The following OTUD5 variants were observed in gnomAD, a reference collection of about 807,000 sequenced individuals.
The protein encoded by OTUD5 is OTU deubiquitinase 5.
In OTUD5, 2 loss-of-function variants were observed where a neutral mutation model predicts 36.3. The observed-to-expected ratio is 0.06, with a 90% CI of 0.02 to 0.17. The LOEUF is 0.17. Ranked by LOEUF, OTUD5 falls within the 10% of genes least tolerant of loss-of-function variation. The pLI, the probability that OTUD5 is intolerant of heterozygous loss-of-function variation, is 1.00. For synonymous variants in OTUD5, 234 were observed against 214.9 expected (o/e 1.09, Z -0.78); for missense variants, 233 against 512.3 (o/e 0.45, Z 5.26).
chrX:48,931,893 G>A (rs917389665), intron 5 of OTUD5, among the ~76,000 whole-genome samples: 3 of 109,012 alleles, frequency 2.8e-5, no homozygotes, highest in Non-Finnish European at 5.7e-5. Context: ...GCTCACGCCT[G>A]TAATCCCAGC....
At chrX:48,935,173 C>T (rs1456973822) in intron 2 of OTUD5, among the ~76,000 whole-genome samples, 155 bp from the exon 3 acceptor site, 5 of 111,890 alleles carry the variant, frequency 4.5e-5, no homozygotes, top group African/African-American at 1.3e-4. Context: ...TAGGCTAGAA[C>T]GGGGTCATGG....
intron 1 of OTUD5, among the ~76,000 whole-genome samples, chrX:48,955,683 C>G (rs1349893517): frequency 2.7e-5 from 3 of 111,315 alleles, no homozygotes; most frequent in Non-Finnish European, 5.7e-5. Flanking sequence ...GTTCCCAAGG[C>G]ATGGGTCGTA....
At chrX:48,942,250 C>T (rs1037319481) in intron 2 of OTUD5, among the ~76,000 whole-genome samples, 4 of 93,009 alleles carry the variant, frequency 4.3e-5, no homozygotes, top group Non-Finnish European at 6.3e-5. Context: ...CACATACACA[C>T]ACACACACAC....
chrX:48,924,097 G>A lies in OTUD5; in HGVS notation c.1264-45C>T, dbSNP rs1479245831. 7 of 1,112,975 alleles carry A rather than the reference G, an allele frequency of 6.3e-6. No homozygotes were observed. The African/African-American group carries it at 1.3e-4, about 20-fold the overall frequency. The allele number at this position is 1,112,975 out of a possible 1,213,427, so 91.7% of individuals were successfully genotyped here. A position where few individuals can be genotyped will look rare whatever the true frequency, so the allele number is the denominator to read the frequency against. ...TGCGTTAAGGACCACCAGCAGCCATGACCTTCTTGTGACCCATCCCTGAAT... is the reference window on the plus strand; with the variant it reads ...TGCGTTAAGGACCACCAGCAGCCATAACCTTCTTGTGACCCATCCCTGAAT... On this transcript the variant is annotated intron_variant, in intron 6 of 8. Coordinates refer to ENST00000376488, the MANE Select transcript of OTUD5 (RefSeq NM_001136157.2).
chrX:48,943,906 C>A (rs782593859), intron 2 of OTUD5, among the ~76,000 whole-genome samples: 58 of 112,135 alleles, frequency 5.2e-4, no homozygotes, highest in Non-Finnish European at 1.0e-3. Context: ...ACTCACCTAG[C>A]TTAGAGGGGA....
intron 1 of OTUD5, among the ~76,000 whole-genome samples, chrX:48,949,701 A>G (rs1557053300): frequency 9.2e-6 from 1 of 108,788 alleles, no homozygotes; most frequent in Non-Finnish European, 1.9e-5. Context: ...TAAACACCAA[A>G]AATTAACCGG....
At chrX:48,924,947 C>T (rs1258095748) in intron 6 of OTUD5, among the ~76,000 whole-genome samples, 1 of 111,602 alleles carries the variant, frequency 9.0e-6, no homozygotes, top group Non-Finnish European at 1.9e-5. Flanking sequence ...GAAAACAGGG[C>T]CTGCCACAGA....
intron 1 of OTUD5, among the ~76,000 whole-genome samples, chrX:48,950,066 T>C (rs1347535753): frequency 9.4e-6 from 1 of 106,454 alleles, no homozygotes; most frequent in East Asian, 2.9e-4. Context: ...GGAGAATAGC[T>C]TGAACCCAGG....
chrX:48,950,213 A>G (rs965556897), intron 1 of OTUD5, among the ~76,000 whole-genome samples: 2 of 110,990 alleles, frequency 1.8e-5, no homozygotes, highest in African/African-American at 6.6e-5. Flanking sequence ...AAATCTGGAG[A>G]TGGGGGGTTA....
At chrX:48,924,956 G>C (rs1329055885) in intron 6 of OTUD5, among the ~76,000 whole-genome samples, 1 of 111,686 alleles carries the variant, frequency 9.0e-6, no homozygotes, top group Non-Finnish European at 1.9e-5. Flanking sequence ...GCCTGCCACA[G>C]ACTGGTAGTA....
chrX:48,926,754 T>C (rs1557047831), intron 5 of OTUD5, among the ~76,000 whole-genome samples: 2 of 110,989 alleles, frequency 1.8e-5, no homozygotes, highest in Non-Finnish European at 3.8e-5. Context: ...AAATTAGCTA[T>C]GTGTGCACCG....
Position 48,936,741 on chromosome X carries a change from T to G in OTUD5, c.689-1723A>C, listed in dbSNP as rs144584457. Among the ~76,000 whole-genome samples the G allele has an allele frequency of 8.0e-5, 9 of 111,938 alleles. No individual in the cohort carries two copies. In the East Asian group the frequency reaches 2.5e-3, roughly 32 times the overall value. ...AGGAAAAGTTTACTGAGCAAATGGA[T>G]AGGCTGGGTAAGCCAGGGAGCTCTT... is the stretch of plus-strand genomic sequence containing the variant. On this transcript the variant is annotated intron_variant, in intron 2 of 8. Coordinates refer to ENST00000376488, the MANE Select transcript of OTUD5 (RefSeq NM_001136157.2).
chrX:48,943,658 A>G (rs1479300608), intron 2 of OTUD5, among the ~76,000 whole-genome samples: 1 of 111,573 alleles, frequency 9.0e-6, no homozygotes, highest in Non-Finnish European at 1.9e-5. Context: ...GCCCCCATAC[A>G]CACAGATTGA....
At chrX:48,942,132 A>G (rs1376709712) in intron 2 of OTUD5, among the ~76,000 whole-genome samples, 1 of 109,483 alleles carries the variant, frequency 9.1e-6, no homozygotes, top group African/African-American at 3.3e-5. Context: ...ACACACACAC[A>G]CACACAAATA....
At chrX:48,956,518 C>T (rs181579142) in intron 1 of OTUD5, among the ~76,000 whole-genome samples, 1 of 110,773 alleles carries the variant, frequency 9.0e-6, no homozygotes, top group East Asian at 2.8e-4. Flanking sequence ...ATGTTCAGCC[C>T]CGATCTCCGA....
At chrX:48,951,188 ACAGATGTCTTCC>A (rs2064135483) in intron 1 of OTUD5, among the ~76,000 whole-genome samples, 1 of 111,309 alleles carries the variant, frequency 9.0e-6, no homozygotes, top group East Asian at 2.8e-4. Context: ...CAGTTCATGG[ACAGATGTCTTCC>A]CAGAGCCTAT....
chrX:48,934,348 G>A, intron 5 of OTUD5, 116 bp downstream of exon 5: 2 of 481,973 alleles, frequency 4.1e-6, no homozygotes, highest in Non-Finnish European at 3.4e-6. Flanking sequence ...GTAAGGGTGA[G>A]ACCTCAGGGG....
At chrX:48,944,089 T>A (rs1249648369) in intron 2 of OTUD5, 101 bp downstream of exon 2, 1 of 551,990 alleles carries the variant, frequency 1.8e-6, no homozygotes, top group Non-Finnish European at 3.0e-6. Flanking sequence ...CCTAAAAGAT[T>A]AGCTAGCTCT....
chrX:48,935,174 G>A (rs374483243), intron 2 of OTUD5, among the ~76,000 whole-genome samples, 156 bp from the exon 3 acceptor site: 2 of 112,078 alleles, frequency 1.8e-5, no homozygotes, highest in East Asian at 5.6e-4. Context: ...AGGCTAGAAC[G>A]GGGTCATGGA....
Sources: gnomAD v4.1 joint callset for allele counts (sites outside exome capture counted in the v4.1 genomes callset) on GRCh38, gnomAD v4.1.1 for gene constraint, MANE v1.5 for transcripts, NCBI Gene and HGNC (gene_info 2026-07-23, HGNC 2026-07-21) for gene names.